HMGCLL1: variants seen among roughly 807,000 people sequenced by gnomAD.
HMGCLL1 encodes the protein 3-hydroxy-3-methylglutaryl-CoA lyase like 1, also known as 3-hydroxymethyl-3-methylglutaryl-CoA lyase, cytoplasmic.
A neutral mutation model predicts 39.1 loss-of-function variants in HMGCLL1; 36 were observed. That is an observed-to-expected ratio of 0.92 (90% confidence interval 0.71 to 1.22). The LOEUF (loss-of-function observed/expected upper bound fraction) is 1.22, where lower values mean the gene tolerates loss of function less well. Among genes scored for constraint, HMGCLL1 ranks in the 50% most tolerant of loss-of-function variants. The probability of loss-of-function intolerance (pLI) is 0.00; values close to 1 mark genes in which losing one functional copy is unlikely to be tolerated. For synonymous variants in HMGCLL1, 149 were observed against 144.0 expected, an observed-to-expected ratio of 1.03 and a Z score of -0.25; for missense variants, 451 against 416.5, an observed-to-expected ratio of 1.08 and a Z score of -0.72.
upstream of HMGCLL1, among the ~76,000 whole-genome samples, chr6:55,583,193 C>CT (rs576013850): frequency 0.01 from 1,587 of 151,730 alleles, 15 homozygotes; most frequent in Middle Eastern, 0.031. Flanking sequence ...ATTTATTTTT[C>CT]TTTTTTTTAT....
chr6:55,574,768 A>G (rs1396331098), intron 1 of HMGCLL1, among the ~76,000 whole-genome samples: 5 of 152,132 alleles, frequency 3.3e-5, no homozygotes, highest in South Asian at 2.1e-4. Flanking sequence ...AAGATACATT[A>G]TCATCTTATT....
the HMGCLL1 span, among the ~76,000 whole-genome samples, chr6:55,606,349 A>G: frequency 1.3e-5 from 2 of 152,098 alleles, no homozygotes; most frequent in South Asian, 4.1e-4. Context: ...TAAGAAATAT[A>G]TTTATATTTT....
At chr6:55,632,252 T>G in the HMGCLL1 span, among the ~76,000 whole-genome samples, 2 of 152,054 alleles carry the variant, frequency 1.3e-5, no homozygotes, top group East Asian at 1.9e-4. Context: ...ATATTGACAA[T>G]TTAAAACATA....
the HMGCLL1 span, among the ~76,000 whole-genome samples, chr6:55,591,089 G>T: frequency 6.6e-6 from 1 of 151,860 alleles, no homozygotes; most frequent in Non-Finnish European, 1.5e-5. Flanking sequence ...TATGTACATG[G>T]TATTTCCTGC....
chr6:55,437,787 C>T (rs905155195), intron 8 of HMGCLL1, among the ~76,000 whole-genome samples: 1 of 151,922 alleles, frequency 6.6e-6, no homozygotes, highest in African/African-American at 2.4e-5. Context: ...CTGGAGCCAG[C>T]GACCAGTATA....
intron 7 of HMGCLL1, among the ~76,000 whole-genome samples, chr6:55,490,165 C>CA (rs1209799433): frequency 6.6e-6 from 1 of 151,940 alleles, no homozygotes; most frequent in Non-Finnish European, 1.5e-5. Flanking sequence ...CTCTGGATCC[C>CA]AAAAAAGATG....
chr6:55,574,874 A>T (rs551631537), intron 1 of HMGCLL1, among the ~76,000 whole-genome samples: 50 of 152,102 alleles, frequency 3.3e-4, no homozygotes, highest in Non-Finnish European at 6.3e-4. Context: ...CAGCAAATGT[A>T]ACACAAAGGA....
chr6:55,634,443 A>G, the HMGCLL1 span, among the ~76,000 whole-genome samples: 9 of 152,246 alleles, frequency 5.9e-5, no homozygotes, highest in Middle Eastern at 3.4e-3. Flanking sequence ...CTTCAAGGCG[A>G]CTACTGTGAA....
At chr6:55,628,556 G>T in the HMGCLL1 span, among the ~76,000 whole-genome samples, 10 of 151,690 alleles carry the variant, frequency 6.6e-5, no homozygotes, top group Non-Finnish European at 1.2e-4. Flanking sequence ...TGCCCACCTC[G>T]GCCTCTTTCA....
the HMGCLL1 span, among the ~76,000 whole-genome samples, chr6:55,629,373 G>A: frequency 2.6e-5 from 4 of 152,154 alleles, no homozygotes; most frequent in East Asian, 7.7e-4. Context: ...AAATTTCTAA[G>A]CAGCAAAGCA....
At chr6:55,612,828 C>T in the HMGCLL1 span, among the ~76,000 whole-genome samples, 1 of 152,098 alleles carries the variant, frequency 6.6e-6, no homozygotes, top group Non-Finnish European at 1.5e-5. Flanking sequence ...AAATGTAAAA[C>T]CCAAAATCAT....
the HMGCLL1 span, among the ~76,000 whole-genome samples, chr6:55,651,804 C>G: frequency 6.6e-6 from 1 of 152,098 alleles, no homozygotes; most frequent in African/African-American, 2.4e-5. Flanking sequence ...TAGGGCTGGT[C>G]TAAATGTTGC....
rs541705810 is a variant in HMGCLL1, at chr6:55,476,658, G to C, written c.795+18761C>G. 3.3e-5 allele frequency among the ~76,000 whole-genome samples: 5 copies of C among 151,678 alleles called. No homozygotes were observed. In the South Asian group the frequency reaches 8.3e-4, roughly 25 times the overall value. On this transcript the variant is annotated intron_variant, in intron 7 of 8. Coordinates refer to ENST00000274901, the MANE Select transcript of HMGCLL1 (RefSeq NM_001042406.2). Reference sequence around the variant, plus strand: ...CACAAGATTTTTCTTCTTTATTAATGTGGTAATTCTATGATTGGTTTTATA... The same window carrying C: ...CACAAGATTTTTCTTCTTTATTAATCTGGTAATTCTATGATTGGTTTTATA...
At chr6:55,673,762 C>T in the HMGCLL1 span, among the ~76,000 whole-genome samples, 3 of 151,828 alleles carry the variant, frequency 2.0e-5, no homozygotes, top group Admixed American at 6.6e-5. Flanking sequence ...TTTTCCTGCT[C>T]ATTGTGTGTC....
chr6:55,504,540 T>C (rs1352793673), intron 5 of HMGCLL1, among the ~76,000 whole-genome samples: 3 of 151,778 alleles, frequency 2.0e-5, no homozygotes, highest in African/African-American at 7.2e-5. Context: ...TTAAAACAAA[T>C]ATAGTCATCC....
intron 1 of HMGCLL1, among the ~76,000 whole-genome samples, chr6:55,574,085 C>T (rs1771647687): frequency 6.6e-6 from 1 of 151,748 alleles, no homozygotes; most frequent in Non-Finnish European, 1.5e-5. Flanking sequence ...TTATAGTAAA[C>T]ATTCATTTAT....
At chr6:55,557,835 T>C (rs1770752470) in intron 1 of HMGCLL1, among the ~76,000 whole-genome samples, 1 of 152,218 alleles carries the variant, frequency 6.6e-6, no homozygotes, top group African/African-American at 2.4e-5. Context: ...AGAGTACAGC[T>C]GGTGCCCGTA....
chr6:55,568,875 A>AC (rs1771338964), intron 1 of HMGCLL1, among the ~76,000 whole-genome samples: 1 of 152,014 alleles, frequency 6.6e-6, no homozygotes, highest in African/African-American at 2.4e-5. Flanking sequence ...ACACACACAC[A>AC]AACAGCTAAA....
At chr6:55,641,476 C>CTG in the HMGCLL1 span, among the ~76,000 whole-genome samples, 21 of 150,420 alleles carry the variant, frequency 1.4e-4, no homozygotes, top group South Asian at 4.2e-4. Flanking sequence ...GTGTGTGTGC[C>CTG]TGTGTGTGTG....
Sources: allele counts gnomAD v4.1 joint callset (sites outside exome capture counted in the v4.1 genomes callset), GRCh38; gene constraint gnomAD v4.1.1; transcripts MANE v1.5; gene names NCBI Gene and HGNC (gene_info 2026-07-23, HGNC 2026-07-21).